Variants in KIDINS220 observed in about 807,000 individuals in gnomAD.
KIDINS220 encodes kinase D interacting substrate 220.
In KIDINS220, 63 loss-of-function variants were observed where a neutral mutation model predicts 157.6. That is an observed-to-expected ratio of 0.40 (90% CI 0.33 to 0.49). The LOEUF is 0.49. Ranked by LOEUF, KIDINS220 falls within the 20% of genes least tolerant of loss-of-function variation. The pLI is 0.66. For missense variants in KIDINS220, 1,772 were observed against 2,171.2 expected, an observed-to-expected ratio of 0.82 and a Z score of 3.65; for synonymous variants, 732 against 783.6, an observed-to-expected ratio of 0.93 and a Z score of 1.10.
At chr2:8,832,828 C>T (rs572200255) in intron 1 of KIDINS220, among the ~76,000 whole-genome samples, 23 of 152,264 alleles carry the variant, frequency 1.5e-4, no homozygotes, top group Admixed American at 9.8e-4. Context: ...AGCCAGACTA[C>T]CTTGGTTTGA....
chr2:8,747,112 C>A (rs1241029952), intron 26 of KIDINS220, 33 bp downstream of exon 26: 2 of 1,598,720 alleles, frequency 1.3e-6, no homozygotes, highest in South Asian at 1.1e-5. Context: ...CAATGAGATG[C>A]CAGCGATCCA....
chr2:8,784,371 T>A (rs960135979), intron 17 of KIDINS220, among the ~76,000 whole-genome samples: 1 of 152,108 alleles, frequency 6.6e-6, no homozygotes, highest in Admixed American at 6.6e-5. Flanking sequence ...GTTAACTTTT[T>A]AGATAGGACA....
intron 8 of KIDINS220, among the ~76,000 whole-genome samples, chr2:8,800,761 A>C (rs1674576177): frequency 6.6e-6 from 1 of 152,248 alleles, no homozygotes; most frequent in African/African-American, 2.4e-5. Flanking sequence ...AGTTACCCAG[A>C]ACAATAATCT....
intron 2 of KIDINS220, 58 bp from the exon 3 acceptor site, chr2:8,818,851 T>A (rs1019280345): frequency 1.3e-5 from 12 of 902,530 alleles, no homozygotes; most frequent in Non-Finnish European, 2.1e-5. Context: ...TACTAAAACA[T>A]CACAGTTAAA....
chr2:8,794,782 C>T (rs1673678321), intron 11 of KIDINS220, among the ~76,000 whole-genome samples: 1 of 152,204 alleles, frequency 6.6e-6, no homozygotes. Flanking sequence ...ATTCTCAGTT[C>T]TCATCCACAC....
At chr2:8,744,395 A>C (rs1666221084) in intron 26 of KIDINS220, among the ~76,000 whole-genome samples, 8 of 26,416 alleles carry the variant, frequency 3.0e-4, no homozygotes, top group Non-Finnish European at 4.7e-4. Flanking sequence ...AAAAATATAT[A>C]TATATAATAT....
Position 8,731,899 on chromosome 2 carries a change from C to A in KIDINS220, c.4137G>T (p.Val1379=), listed in dbSNP as rs758979348. ...TATAGGCATCTCTATACTCGGCCTG[C>A]ACCTTATCAGTAAGCTTTGAAATTT... ...SIEISKLTDK[V]QAEYRDAYRE... Residue 1379 remains valine, a synonymous_variant, in exon 30 of 30, where the codon GTG becomes GTT. Coordinates refer to ENST00000256707, the MANE Select transcript of KIDINS220 (RefSeq NM_020738.4). This position sits in a 1 kb window ranked among gnomAD's most constrained non-coding sequence, Gnocchi z 5.2. 7.1e-5 allele frequency: 114 copies of A among 1,613,582 alleles called. No homozygotes were observed. Among genetic ancestry groups the A allele is most frequent in the Non-Finnish European group, 9.1e-5 (107 of 1,179,922 alleles).
Position 8,778,747 on chromosome 2 carries a change from C to A in KIDINS220, c.2615-20G>T. ...GTATCCCTTAAATAATTTATCAAGA[C>A]AGCATCACTTACACCAAAATTCTGT... On this transcript the variant is annotated intron_variant, in intron 19 of 29. Transcript: ENST00000256707. The A allele has an allele frequency of 6.2e-7, 1 of 1,604,614 alleles. No homozygotes were observed. Among genetic ancestry groups the A allele is most frequent in the Non-Finnish European group, 8.5e-7 (1 of 1,171,444 alleles).
chr2:8,818,348 C>A (rs995295697), intron 3 of KIDINS220, among the ~76,000 whole-genome samples: 1 of 152,038 alleles, frequency 6.6e-6, no homozygotes, highest in African/African-American at 2.4e-5. Flanking sequence ...ATATTCCTGG[C>A]CATTATCGCA....
intron 26 of KIDINS220, 159 bp downstream of exon 26, chr2:8,746,986 C>T (rs1257316788): frequency 1.4e-5 from 8 of 579,374 alleles, no homozygotes; most frequent in Admixed American, 2.7e-5. Context: ...TTAATTAATT[C>T]AGGAACCATA....
chr2:8,747,693 G>A (rs1666776410), intron 25 of KIDINS220, 194 bp downstream of exon 25: 1 of 410,318 alleles, frequency 2.4e-6, no homozygotes, highest in South Asian at 5.7e-5. Context: ...CGCTGAGACT[G>A]CTAGTCATTT....
chr2:8,744,402 ATATATATATATATAT>A (rs1558328752), intron 26 of KIDINS220, among the ~76,000 whole-genome samples: 318 of 3,386 alleles, frequency 0.094, 26 homozygotes, highest in East Asian at 0.26. Flanking sequence ...TATATATATA[ATATATATATATATAT>A]ATATATATAT....
intron 8 of KIDINS220, among the ~76,000 whole-genome samples, chr2:8,802,002 C>G (rs927275267): frequency 6.6e-6 from 1 of 152,150 alleles, no homozygotes; most frequent in African/African-American, 2.4e-5. Flanking sequence ...AAGAAGGAGC[C>G]AAGATCAGCA....
chr2:8,807,990 G>A (rs1048431163), intron 6 of KIDINS220, among the ~76,000 whole-genome samples: 7 of 152,080 alleles, frequency 4.6e-5, no homozygotes, highest in Admixed American at 2.6e-4. Flanking sequence ...CAGGCGTGGT[G>A]GTATATGCCT....
rs34620607 is a variant in KIDINS220, at chr2:8,780,520, C to CTGTG, written c.2230-710_2230-707dup. On this transcript the variant is annotated intron_variant, in intron 17 of 29. Transcript: ENST00000256707. The stretch of plus-strand genomic sequence containing the variant: ...TAAGCTTATATATGTGTGTGTGTGT[C>CTGTG]TGTGTGTGTGTGTGTGTGTGTGGTG... Among the ~76,000 whole-genome samples, 9 of 149,064 alleles carry CTGTG rather than the reference C, an allele frequency of 6.0e-5. No individual in the cohort carries two copies. The South Asian group carries it at 8.5e-4, about 14-fold the overall frequency.
chr2:8,762,013 T>C (rs139645778), intron 22 of KIDINS220, among the ~76,000 whole-genome samples: 120 of 152,354 alleles, frequency 7.9e-4, no homozygotes, highest in African/African-American at 2.7e-3. Flanking sequence ...TTTTGGTAAA[T>C]TGAATTCTTT....
Position 8,733,428 on chromosome 2 carries a change from G to T in KIDINS220, c.4053+16C>A. 5.1e-6 allele frequency: 8 copies of T among 1,580,656 alleles called. No individual in the cohort carries two copies. The highest frequency in any genetic ancestry group is 7.0e-6 in the Non-Finnish European group (8 of 1,150,998). On this transcript the variant is annotated intron_variant, in intron 29 of 29. Coordinates refer to ENST00000256707, the MANE Select transcript of KIDINS220 (RefSeq NM_020738.4). Reference sequence around the variant, plus strand: ...CTTATTCTTCAATAATATGAAAAATGCCATTCAATAAATACCTGCCAACTT... The same window carrying T: ...CTTATTCTTCAATAATATGAAAAATTCCATTCAATAAATACCTGCCAACTT...
intron 6 of KIDINS220, among the ~76,000 whole-genome samples, chr2:8,811,734 G>A (rs1676341973): frequency 6.6e-6 from 1 of 151,994 alleles, no homozygotes; most frequent in Non-Finnish European, 1.5e-5. Flanking sequence ...AGATAATTAG[G>A]TAGGTATTTA....
chr2:8,757,281 A>G (rs1466435644), intron 22 of KIDINS220: 43 of 996,312 alleles, frequency 4.3e-5, no homozygotes, highest in Non-Finnish European at 5.0e-5. Context: ...TAACATTAAG[A>G]AAGCAGGGAA....
Sources: allele counts gnomAD v4.1 joint callset (sites outside exome capture counted in the v4.1 genomes callset), GRCh38; gene constraint gnomAD v4.1.1; non-coding constraint Gnocchi (gnomAD v3.1); transcripts MANE v1.5; gene names NCBI Gene and HGNC (gene_info 2026-07-23, HGNC 2026-07-21).